The following EXD3 variants were observed in gnomAD, a reference collection of about 807,000 sequenced individuals.
The protein encoded by EXD3 is exonuclease mut-7 homolog.
EXD3 carries 92 observed loss-of-function variants against 98.0 expected under a neutral mutation model. The observed-to-expected ratio is 0.94, with a 90% CI of 0.79 to 1.12. The LOEUF (loss-of-function observed/expected upper bound fraction) is 1.12, where lower values mean the gene tolerates loss of function less well. Ranked by LOEUF, EXD3 falls within the 50% of genes most tolerant of loss-of-function variation. The pLI, the probability that EXD3 is intolerant of heterozygous loss-of-function variation, is 0.00. For synonymous variants in EXD3, 569 were observed against 526.0 expected (o/e 1.08, Z -1.12); for missense variants, 1,222 against 1,191.6 (o/e 1.03, Z -0.38).
At chr9:137,388,344 G>A (rs1380553007) in intron 2 of EXD3, among the ~76,000 whole-genome samples, 3 of 152,080 alleles carry the variant, frequency 2.0e-5, no homozygotes, top group Non-Finnish European at 2.9e-5. Context: ...ACACCCCCGC[G>A]CCGGCCGACG....
intron 1 of EXD3, among the ~76,000 whole-genome samples, chr9:137,422,725 CG>C (rs1838592789): frequency 6.6e-6 from 1 of 152,178 alleles, no homozygotes. Context: ...TCCCTTCTCC[CG>C]GGGAGGGCAG....
chr9:137,414,834 G>A (rs1477660359), intron 1 of EXD3, among the ~76,000 whole-genome samples: 4 of 152,182 alleles, frequency 2.6e-5, no homozygotes, highest in African/African-American at 9.6e-5. Flanking sequence ...TGGGCTCCAC[G>A]TAGGTCGCAG....
rs77485598 is a variant in EXD3 at position 137,410,934 on chromosome 9, C to G, written c.-48+12180G>C. 1.2e-4 allele frequency among the ~76,000 whole-genome samples: 18 copies of G among 152,104 alleles called. No homozygotes were observed. The East Asian group carries it at 3.5e-3, about 29-fold the overall frequency. On this transcript the variant is annotated intron_variant, in intron 1 of 21. Coordinates refer to ENST00000340951, the MANE Select transcript of EXD3 (RefSeq NM_017820.5). ...GCTTTCCCACAGAGCCTGGCAGACC[C>G]CCCAGGGCCTGAGTGAGGTCCAGGC...
At chr9:137,420,570 G>A (rs1363917153) in intron 1 of EXD3, among the ~76,000 whole-genome samples, 2 of 152,182 alleles carry the variant, frequency 1.3e-5, no homozygotes, top group African/African-American at 2.4e-5. Context: ...TTGAGGAATC[G>A]AGGTTCGCTT....
intron 2 of EXD3, among the ~76,000 whole-genome samples, chr9:137,389,939 T>C (rs939603116): frequency 8.7e-5 from 13 of 150,286 alleles, no homozygotes; most frequent in Admixed American, 8.0e-4. Context: ...CTGGCCAACA[T>C]GGCGAAACCC....
rs111386404 is a variant in EXD3, at chr9:137,393,937, A to G, written c.55+1366T>C. ...AAGGACTGCAGGGTGAAGGATGTGA[A>G]GGGGCCCCGGCACCCCCTTCTCACC... On this transcript the variant is annotated intron_variant, in intron 2 of 21. Transcript: ENST00000340951. The surrounding 1 kb of genome is among the most constrained non-coding windows in gnomAD (Gnocchi z 4.6). Among the ~76,000 whole-genome samples, 81 of 152,270 alleles carry G rather than the reference A, an allele frequency of 5.3e-4. No homozygotes were observed. Among genetic ancestry groups the G allele is most frequent in the African/African-American group, 1.7e-3 (71 of 41,542 alleles).
intron 17 of EXD3, among the ~76,000 whole-genome samples, chr9:137,343,813 C>A (rs1833778016): frequency 6.7e-6 from 1 of 149,354 alleles, no homozygotes; most frequent in Admixed American, 6.7e-5. Context: ...TGGTCTTGAT[C>A]TCCTAACCTC....
At chr9:137,353,554 G>A in intron 10 of EXD3, 1 of 986,096 alleles carries the variant, frequency 1.0e-6, no homozygotes. Context: ...GACCAAGGGG[G>A]TCCTGAGAAA....
intron 20 of EXD3, among the ~76,000 whole-genome samples, 162 bp from the exon 21 acceptor site, chr9:137,307,808 C>A (rs533136118): frequency 6.6e-5 from 10 of 152,318 alleles, no homozygotes; most frequent in Middle Eastern, 3.4e-3. Flanking sequence ...GGGCAGGGGG[C>A]CAAGGAGCTG....
At chr9:137,343,934 C>T (rs1212645554) in intron 17 of EXD3, among the ~76,000 whole-genome samples, 1 of 120,472 alleles carries the variant, frequency 8.3e-6, no homozygotes, top group African/African-American at 3.3e-5. Context: ...CTTTGTCTCC[C>T]AGGCTGGAGT....
chr9:137,368,891 G>A (rs926817464), intron 5 of EXD3, among the ~76,000 whole-genome samples: 9 of 150,020 alleles, frequency 6.0e-5, no homozygotes, highest in East Asian at 2.0e-4. Context: ...GAAGGTCCGG[G>A]GCGGGGCCCC....
chr9:137,419,907 C>T (rs958385953), intron 1 of EXD3, among the ~76,000 whole-genome samples: 1 of 152,130 alleles, frequency 6.6e-6, no homozygotes, highest in Non-Finnish European at 1.5e-5. Flanking sequence ...TGCCTGTAAT[C>T]CCAGCACTTT....
Position 137,307,283 on chromosome 9 carries a change from C to T in EXD3, c.2318-20G>A. On this transcript the variant is annotated intron_variant, in intron 21 of 21. Coordinates refer to ENST00000340951, the MANE Select transcript of EXD3 (RefSeq NM_017820.5). The stretch of plus-strand genomic sequence containing the variant: ...CTGGGCCTGGACAGATAGAAGTGGA[C>T]TCCCTGAGCCCTCAGCCTTCGGGCA... 1 of 1,472,570 alleles carries T rather than the reference C, an allele frequency of 6.8e-7. No individual in the cohort carries two copies. Among genetic ancestry groups the T allele is most frequent in the Middle Eastern group, 2.4e-4 (1 of 4,132 alleles). 91.2% of individuals were successfully genotyped at this position (1,472,570 alleles called of 1,614,324 possible). A position where few individuals can be genotyped will look rare whatever the true frequency, so the allele number is the denominator to read the frequency against.
At chr9:137,364,263 C>T (rs969682452) in intron 7 of EXD3, among the ~76,000 whole-genome samples, 2 of 152,140 alleles carry the variant, frequency 1.3e-5, no homozygotes, top group Non-Finnish European at 2.9e-5. Context: ...CAGTCATGCT[C>T]ATGGCTATGG....
At chr9:137,410,001 C>T (rs1469317533) in intron 1 of EXD3, among the ~76,000 whole-genome samples, 1 of 152,002 alleles carries the variant, frequency 6.6e-6, no homozygotes, top group African/African-American at 2.4e-5. Flanking sequence ...ATGGTGAAAC[C>T]CTGTCTCTAC....
Position 137,351,049 on chromosome 9 carries a change from C to T in EXD3, c.1483G>A (p.Val495Met). The T allele has an allele frequency of 6.4e-7, 1 of 1,563,710 alleles. No individual in the cohort carries two copies. Among genetic ancestry groups the T allele is most frequent in the East Asian group, 2.4e-5 (1 of 41,838 alleles). The change falls in exon 14 of 22, where the codon GTG becomes ATG. Residue 495 changes from valine to methionine, a missense_variant. Transcript: ENST00000340951. ...CAGTGGGTGCCCACCTGTCTGTGCA[C>T]CAGCAGCAGGTCCATGCCGCCCAGA... ...QILGGMDLLL[V>M]HRQMRVASVP...
chr9:137,384,284 C>T (rs1231896866), intron 2 of EXD3, among the ~76,000 whole-genome samples: 3 of 152,210 alleles, frequency 2.0e-5, no homozygotes, highest in Non-Finnish European at 4.4e-5. Flanking sequence ...GCCAGAGAAG[C>T]GTGTGTGACG....
At chr9:137,400,716 G>C (rs1301014653) in intron 1 of EXD3, among the ~76,000 whole-genome samples, 1 of 151,114 alleles carries the variant, frequency 6.6e-6, no homozygotes, top group Non-Finnish European at 1.5e-5. Flanking sequence ...AATGAGCCGA[G>C]ATCGCGCCAT....
rs146450103 is a variant in EXD3, at chr9:137,340,614, A to T, written c.1998+7457T>A. Among the ~76,000 whole-genome samples the T allele has an allele frequency of 5.4e-4, 82 of 151,944 alleles. No homozygotes were observed. The East Asian group carries it at 0.013, about 24-fold the overall frequency. The stretch of plus-strand genomic sequence containing the variant: ...GATCATGGCTCACTGTGTAGCCTCG[A>T]CCTCATGGGTTCAAGTGATCATCCC... On this transcript the variant is annotated intron_variant, in intron 17 of 21. Transcript: ENST00000340951.
Sources: gnomAD v4.1 joint callset for allele counts (sites outside exome capture counted in the v4.1 genomes callset) on GRCh38, gnomAD v4.1.1 for gene constraint, Gnocchi (gnomAD v3.1) non-coding constraint, MANE v1.5 for transcripts, NCBI Gene and HGNC (gene_info 2026-07-23, HGNC 2026-07-21) for gene names.